Variants in CUL2 observed in about 807,000 individuals in gnomAD.
The protein encoded by CUL2 is cullin 2.
CUL2 carries 22 observed loss-of-function variants against 110.2 expected under a neutral mutation model. That is an observed-to-expected ratio of 0.20 (90% CI 0.14 to 0.28). The LOEUF (loss-of-function observed/expected upper bound fraction) is 0.28. CUL2 is among the 10% of genes least tolerant of loss of function. The pLI is 1.00. For synonymous variants in CUL2, 279 were observed against 293.2 expected, an observed-to-expected ratio of 0.95 and a Z score of 0.49; for missense variants, 631 against 905.5, an observed-to-expected ratio of 0.70 and a Z score of 3.89.
At chr10:35,056,715 C>T (rs1423634768) in intron 4 of CUL2, among the ~76,000 whole-genome samples, 1 of 152,186 alleles carries the variant, frequency 6.6e-6, no homozygotes, top group Non-Finnish European at 1.5e-5. Flanking sequence ...GCGGTGCTCC[C>T]TCAGTAGAGG....
chr10:35,074,299 C>A, intron 1 of CUL2: 1 of 994,778 alleles, frequency 1.0e-6, no homozygotes, highest in Non-Finnish European at 1.5e-6. Context: ...GGCACCCAAG[C>A]TTCCTCTCCT....
intron 5 of CUL2, 113 bp downstream of exon 5, chr10:35,054,320 TC>T (rs1589008226): frequency 3.3e-6 from 2 of 611,066 alleles, no homozygotes; most frequent in Non-Finnish European, 2.8e-6. Flanking sequence ...ATCTTTTAAA[TC>T]TTGACCATTT....
chr10:35,017,600 A>G (rs1021848264), intron 17 of CUL2, among the ~76,000 whole-genome samples: 8 of 151,960 alleles, frequency 5.3e-5, no homozygotes, highest in African/African-American at 1.7e-4. Context: ...AGGCTAAGGT[A>G]TAAGAATCCT....
intron 17 of CUL2, among the ~76,000 whole-genome samples, chr10:35,021,343 G>A (rs957691624): frequency 6.7e-6 from 1 of 149,652 alleles, no homozygotes; most frequent in African/African-American, 2.5e-5. Flanking sequence ...TGCAATCTCC[G>A]CCACCCGGGT....
chr10:35,097,565 G>T (rs1295867898), intron 2 of CUL2, among the ~76,000 whole-genome samples: 2 of 151,316 alleles, frequency 1.3e-5, no homozygotes, highest in Non-Finnish European at 2.9e-5. Flanking sequence ...ATCAAGCCCA[G>T]TATTAACAAT....
chr10:35,032,464 G>A lies in CUL2; in HGVS notation c.1141C>T (p.Pro381Ser). ...ALTSVVNYRE[P>S]KSVCKAPELL... ...TCAGGTGCTTTGCAAACAGACTTAG[G>A]TTCTCTGTAATTTACAACTGACGTA... The change falls in exon 12 of 21, where the codon CCT (proline) becomes TCT (serine). Residue 381 changes from proline to serine, a missense_variant. Physicochemically the swap from Pro to Ser is moderately conservative, Grantham distance 74 (BLOSUM62 -1). Transcript: ENST00000374749. The A allele has an allele frequency of 1.9e-6, 3 of 1,589,744 alleles. No homozygotes were observed. The highest frequency in any genetic ancestry group is 1.7e-6 in the Non-Finnish European group (2 of 1,172,498).
intron 1 of CUL2, among the ~76,000 whole-genome samples, chr10:35,124,710 G>C (rs1198450137): frequency 6.6e-6 from 1 of 152,126 alleles, no homozygotes; most frequent in African/African-American, 2.4e-5. Flanking sequence ...AAGGAGCCAA[G>C]AGGACGAAAA....
intron 8 of CUL2, among the ~76,000 whole-genome samples, chr10:35,043,646 G>A (rs1335211515): frequency 1.3e-5 from 2 of 152,102 alleles, no homozygotes; most frequent in African/African-American, 4.8e-5. Flanking sequence ...TAAAAACCTG[G>A]CTAGAAGTTC....
At chr10:35,073,448 C>A (rs1292805183) in intron 1 of CUL2, among the ~76,000 whole-genome samples, 1 of 152,126 alleles carries the variant, frequency 6.6e-6, no homozygotes, top group Non-Finnish European at 1.5e-5. Context: ...AGGCCCTCAG[C>A]AGAAATAGTA....
chr10:35,030,522 A>G (rs1213615330), intron 14 of CUL2, among the ~76,000 whole-genome samples: 8 of 152,080 alleles, frequency 5.3e-5, no homozygotes, highest in African/African-American at 1.4e-4. Flanking sequence ...AACTGGGACT[A>G]GAGGAACACG....
At chr10:35,051,286 G>A (rs948121938) in intron 5 of CUL2, among the ~76,000 whole-genome samples, 3 of 149,214 alleles carry the variant, frequency 2.0e-5, no homozygotes, top group African/African-American at 7.4e-5. Context: ...CTGCACTCCC[G>A]CCCAGGTGAC....
chr10:35,121,634 C>T (rs1246514730), intron 1 of CUL2, among the ~76,000 whole-genome samples: 1 of 152,012 alleles, frequency 6.6e-6, no homozygotes, highest in Non-Finnish European at 1.5e-5. Flanking sequence ...AACAATCTTC[C>T]TCTTTTCCTC....
upstream of CUL2, among the ~76,000 whole-genome samples, chr10:35,090,885 A>G (rs2087194397): frequency 6.6e-6 from 1 of 152,208 alleles, no homozygotes. Context: ...CTATGTGAAT[A>G]TCCTAAGACA....
At chr10:35,016,077 A>G (rs1277901442) in intron 18 of CUL2, 115 bp downstream of exon 18, 3 of 820,772 alleles carry the variant, frequency 3.7e-6, no homozygotes, top group East Asian at 2.6e-5. Flanking sequence ...CGTAGTGAAT[A>G]CAAGTGCTTT....
At chr10:35,028,320 C>T (rs991528202) in intron 16 of CUL2, among the ~76,000 whole-genome samples, 1 of 152,208 alleles carries the variant, frequency 6.6e-6, no homozygotes, top group Non-Finnish European at 1.5e-5. Flanking sequence ...GGACTCTCCT[C>T]TATTAGTTAT....
chr10:35,018,028 C>A (rs781770591), intron 17 of CUL2, among the ~76,000 whole-genome samples: 5 of 151,238 alleles, frequency 3.3e-5, no homozygotes, highest in Non-Finnish European at 7.4e-5. Flanking sequence ...TGGTGGCTCA[C>A]GCCTGTAATC....
At chr10:35,111,943 T>A (rs557480876) in intron 1 of CUL2, among the ~76,000 whole-genome samples, 1 of 152,240 alleles carries the variant, frequency 6.6e-6, no homozygotes, top group East Asian at 1.9e-4. Flanking sequence ...CATAGCCTAC[T>A]GTCCAGAGAT....
In CUL2 at chr10:35,098,934, G is replaced by T. The variant is rs369237704; in HGVS notation, c.167+1910C>A. Among the ~76,000 whole-genome samples the T allele has an allele frequency of 9.9e-5, 15 of 151,898 alleles. No individual in the cohort carries two copies. In the East Asian group the frequency reaches 2.5e-3, roughly 26 times the overall value. ...GGGCAACAAAGCAAGACTCTGTCTC[G>T]AAATAAATAAATTAAATAAGTAATA... On this transcript the variant is annotated intron_variant, in intron 2 of 5. Coordinates refer to the CUL2 transcript ENST00000685421.
chr10:35,088,029 G>T (rs1233477928), intron 1 of CUL2, among the ~76,000 whole-genome samples: 1 of 152,296 alleles, frequency 6.6e-6, no homozygotes, highest in Middle Eastern at 3.4e-3. Context: ...TAGGAAAACT[G>T]TTCCCTCAGA....
Sources: gnomAD v4.1 joint callset for allele counts (sites outside exome capture counted in the v4.1 genomes callset) on GRCh38, gnomAD v4.1.1 for gene constraint, MANE v1.5 for transcripts, NCBI Gene and HGNC (gene_info 2026-07-23, HGNC 2026-07-21) for gene names.